The following GPR139 variants were observed in gnomAD, a reference collection of about 807,000 sequenced individuals.
GPR139 encodes the protein probable G protein-coupled receptor 139.
Under a neutral mutation model 25.8 loss-of-function variants are expected in GPR139, and 12 were observed. The observed-to-expected ratio is 0.47, with a 90% confidence interval of 0.30 to 0.75. The LOEUF (loss-of-function observed/expected upper bound fraction) is 0.75. GPR139 is among the 30% of genes least tolerant of loss of function. The probability of loss-of-function intolerance (pLI) is 0.07; values close to 1 mark genes in which losing one functional copy is unlikely to be tolerated. For synonymous variants in GPR139, 184 were observed against 179.9 expected, an observed-to-expected ratio of 1.02 and a Z score of -0.18; for missense variants, 380 against 450.2, an observed-to-expected ratio of 0.84 and a Z score of 1.41.
At chr16:20,035,330 G>A (rs552787147) in intron 1 of GPR139, among the ~76,000 whole-genome samples, 4 of 152,202 alleles carry the variant, frequency 2.6e-5, no homozygotes, top group Non-Finnish European at 5.9e-5. Flanking sequence ...GTGGGCTGGG[G>A]GTACCATGAA....
At position 20,044,581 on chromosome 16, in the gene GPR139, G is replaced by A. The variant is rs114658088; in HGVS notation, c.128-11912C>T. 3.1e-3 allele frequency among the ~76,000 whole-genome samples: 470 copies of A among 152,260 alleles called. 3 individuals are homozygous for A. Among genetic ancestry groups the A allele is most frequent in the African/African-American group, 0.011 (449 of 41,548 alleles). ...TGGCAACGTGCAAAGGTAAAGAGGC[G>A]TGAAAGAAGAGATCCCTACTGTTCC... On this transcript the variant is annotated intron_variant, in intron 1 of 1. Transcript: ENST00000570682.
At chr16:20,044,661 C>A (rs898693211) in intron 1 of GPR139, among the ~76,000 whole-genome samples, 1 of 152,186 alleles carries the variant, frequency 6.6e-6, no homozygotes, top group Admixed American at 6.5e-5. Flanking sequence ...ACTGAGCTCA[C>A]ATCTTCATAT....
rs1206542065 is a variant in GPR139 at position 20,073,390 on chromosome 16, G to T, written c.127+100C>A. The T allele has an allele frequency of 6.6e-7, 1 of 1,516,412 alleles. No individual in the cohort carries two copies. Among genetic ancestry groups the T allele is most frequent in the Non-Finnish European group, 8.9e-7 (1 of 1,120,984 alleles). 93.9% of individuals were successfully genotyped at this position (1,516,412 alleles called of 1,614,324 possible). On this transcript the variant is annotated intron_variant, in intron 1 of 1. Transcript: ENST00000570682. This position sits in a 1 kb window ranked among gnomAD's most constrained non-coding sequence, Gnocchi z 4.7. ...CCTTAAAGCTTAAACTTTTTCCGAG[G>T]GGGCGCCAGGGAACGCACGGGGGAG... is the stretch of plus-strand genomic sequence containing the variant.
At position 20,073,290 on chromosome 16, in the gene GPR139, G is replaced by GCA. The variant is rs71146301; in HGVS notation, c.127+198_127+199dup. Among the ~76,000 whole-genome samples the GCA allele has an allele frequency of 0.23, 34,615 of 149,940 alleles. 4,630 individuals are homozygous for GCA. Among genetic ancestry groups the GCA allele is most frequent in the Non-Finnish European group, 0.3 (19,997 of 67,382 alleles). ...CACACACACACACACGCTCGCGCGC[G>GCA]CACACACACACACACGGTCCCCAGC... is the stretch of plus-strand genomic sequence containing the variant. On this transcript the variant is annotated intron_variant, in intron 1 of 1. Transcript: ENST00000570682. This position sits in a 1 kb window ranked among gnomAD's most constrained non-coding sequence, Gnocchi z 4.7.
intron 1 of GPR139, among the ~76,000 whole-genome samples, chr16:20,041,340 A>G (rs1218530153): frequency 6.7e-6 from 1 of 150,140 alleles, no homozygotes; most frequent in East Asian, 2.0e-4. Flanking sequence ...GACTCCTGGC[A>G]TTGTGGACAA....
rs143941946 is a variant in GPR139 at position 20,050,132 on chromosome 16, C to G, written c.128-17463G>C. Among the ~76,000 whole-genome samples, 1,144 of 152,250 alleles carry G rather than the reference C, an allele frequency of 7.5e-3. 12 individuals are homozygous for G. Among genetic ancestry groups the G allele is most frequent in the African/African-American group, 0.026 (1,063 of 41,552 alleles). On this transcript the variant is annotated intron_variant, in intron 1 of 1. Coordinates refer to ENST00000570682, the MANE Select transcript of GPR139 (RefSeq NM_001002911.4). The stretch of plus-strand genomic sequence containing the variant: ...AGAGAAGCTCCATGAAGGAATAAGA[C>G]AGTAAGCTATGGGAGCACTTAGGAA...
intron 1 of GPR139, among the ~76,000 whole-genome samples, chr16:20,058,992 G>A (rs544697816): frequency 1.3e-4 from 20 of 152,282 alleles, no homozygotes; most frequent in Admixed American, 3.9e-4. Flanking sequence ...ATTTCTCTGG[G>A]CTGTCTATAT....
chr16:20,052,665 C>A (rs1356863205), intron 1 of GPR139, among the ~76,000 whole-genome samples: 1 of 151,674 alleles, frequency 6.6e-6, no homozygotes, highest in African/African-American at 2.4e-5. Flanking sequence ...GGCGTGGTGG[C>A]GGGCACCAGT....
chr16:20,065,588 G>A (rs1318678435), intron 1 of GPR139, among the ~76,000 whole-genome samples: 1 of 152,108 alleles, frequency 6.6e-6, no homozygotes. Flanking sequence ...TAAGTTAAAT[G>A]AGGCCAGGCG....
chr16:20,052,048 C>T (rs2057373989), intron 1 of GPR139, among the ~76,000 whole-genome samples: 1 of 152,204 alleles, frequency 6.6e-6, no homozygotes, highest in South Asian at 2.1e-4. Flanking sequence ...CCATTTTACT[C>T]ACCCCTCCTG....
intron 1 of GPR139, among the ~76,000 whole-genome samples, chr16:20,037,468 A>AAG (rs1171817853): frequency 6.6e-6 from 1 of 150,662 alleles, no homozygotes; most frequent in Admixed American, 6.6e-5. Context: ...AAAAAAAAAA[A>AAG]AGAGAGAGAA....
At chr16:20,065,852 C>T (rs2057431773) in intron 1 of GPR139, among the ~76,000 whole-genome samples, 1 of 142,858 alleles carries the variant, frequency 7.0e-6, no homozygotes, top group Non-Finnish European at 1.5e-5. Flanking sequence ...CACACTCCAG[C>T]ACGGGTGACA....
intron 1 of GPR139, among the ~76,000 whole-genome samples, chr16:20,050,126 A>G (rs985580245): frequency 1.3e-5 from 2 of 152,208 alleles, no homozygotes; most frequent in African/African-American, 4.8e-5. Context: ...CCATGAAGGA[A>G]TAAGACAGTA....
chr16:20,039,108 T>C (rs2057321552), intron 1 of GPR139, among the ~76,000 whole-genome samples: 1 of 152,240 alleles, frequency 6.6e-6, no homozygotes, highest in Non-Finnish European at 1.5e-5. Flanking sequence ...TTTAAGTTCC[T>C]GGATAATAAA....
rs74327357 is a variant in GPR139 at position 20,073,623 on chromosome 16, G to A, written c.-7C>T. On this transcript the variant is annotated 5_prime_UTR_variant, in exon 1 of 2. Transcript: ENST00000570682. This position sits in a 1 kb window ranked among gnomAD's most constrained non-coding sequence, Gnocchi z 4.7. ...GGGCGTGCGTGTGCTCCATGAGCGC[G>A]CCCCTCGCTCCCCTTGCCGCTTCGC... The A allele has an allele frequency of 8.7e-3, 13,842 of 1,589,062 alleles. 984 individuals are homozygous for A. The East Asian group carries it at 0.2, about 22-fold the overall frequency.
rs2057333311 is a variant in GPR139 at position 20,041,240 on chromosome 16, GGAGAGGAGAGGGAAGGAGAA to G, written c.128-8591_128-8572del. Among the ~76,000 whole-genome samples the G allele has an allele frequency of 6.5e-4, 4 of 6,190 alleles. 1 individual carries two copies. The highest frequency in any genetic ancestry group is 2.4e-3 in the African/African-American group (4 of 1,638). The allele number at this position is 6,190 out of a possible 152,430, so 4.1% of individuals were successfully genotyped here. A position where few individuals can be genotyped will look rare whatever the true frequency, so the allele number is the denominator to read the frequency against. On this transcript the variant is annotated intron_variant, in intron 1 of 1. Coordinates refer to ENST00000570682, the MANE Select transcript of GPR139 (RefSeq NM_001002911.4). ...GGAGAGGAGAGGAGAGGAGAGGAGAGGAGAGGAGAGGGAAGGAGAAAAGAAAAGCATCTCTCTCTGACAAA... is the reference window on the plus strand; with the variant it reads ...GGAGAGGAGAGGAGAGGAGAGGAGAGAAGAAAAGCATCTCTCTCTGACAAA...
intron 1 of GPR139, among the ~76,000 whole-genome samples, chr16:20,064,648 G>A (rs538569041): frequency 1.3e-5 from 2 of 152,302 alleles, no homozygotes; most frequent in South Asian, 4.1e-4. Context: ...AGGCAACCCT[G>A]AATTATCTCA....
In GPR139 at chr16:20,030,442, G is replaced by A. The variant is rs1025320833; in HGVS notation, c.*1293C>T. 1.3e-5 allele frequency among the ~76,000 whole-genome samples: 2 copies of A among 151,992 alleles called. No homozygotes were observed. Among genetic ancestry groups the A allele is most frequent in the African/African-American group, 4.8e-5 (2 of 41,384 alleles). On this transcript the variant is annotated 3_prime_UTR_variant, in exon 2 of 2. Coordinates refer to ENST00000570682, the MANE Select transcript of GPR139 (RefSeq NM_001002911.4). ...CGAATATAATCATGTGTGTGTGTGT[G>A]CTGCACACATAAGTAGCAATTTCCA...
intron 1 of GPR139, among the ~76,000 whole-genome samples, chr16:20,037,194 G>A (rs1366144484): frequency 6.6e-6 from 1 of 152,150 alleles, no homozygotes; most frequent in African/African-American, 2.4e-5. Context: ...GCTCACGCCT[G>A]TAATCCCAGC....
Sources: allele counts gnomAD v4.1 joint callset (sites outside exome capture counted in the v4.1 genomes callset), GRCh38; gene constraint gnomAD v4.1.1; non-coding constraint Gnocchi (gnomAD v3.1); transcripts MANE v1.5; gene names NCBI Gene and HGNC (gene_info 2026-07-23, HGNC 2026-07-21).